Variants in TCEA1 observed in about 807,000 individuals in gnomAD.
The protein encoded by TCEA1 is transcription elongation factor A1, also known as transcription elongation factor A protein 1.
A neutral mutation model predicts 43.8 loss-of-function variants in TCEA1; 21 were observed. That is an observed-to-expected ratio of 0.48 (90% CI 0.34 to 0.69). TCEA1 has a LOEUF of 0.69. TCEA1 is among the 30% of genes least tolerant of loss of function. The pLI is 0.01. For synonymous variants in TCEA1, 104 were observed against 117.5 expected, an observed-to-expected ratio of 0.88 and a Z score of 0.75; for missense variants, 250 against 365.1, an observed-to-expected ratio of 0.68 and a Z score of 2.57.
intron 6 of TCEA1, 68 bp downstream of exon 6, chr8:53,986,901 C>T: frequency 7.9e-7 from 1 of 1,261,534 alleles, no homozygotes; most frequent in Non-Finnish European, 1.1e-6. Flanking sequence ...CCGTGCCTGG[C>T]ATTTGCATAT....
chr8:53,970,691 T>G (rs955187165), intron 8 of TCEA1, among the ~76,000 whole-genome samples: 4 of 152,148 alleles, frequency 2.6e-5, no homozygotes, highest in African/African-American at 4.8e-5. Context: ...ATATCCCAGA[T>G]AAGTGGGAAA....
chr8:54,020,953 T>G (rs1000542113), intron 1 of TCEA1, among the ~76,000 whole-genome samples: 5 of 152,088 alleles, frequency 3.3e-5, no homozygotes, highest in Admixed American at 3.3e-4. Flanking sequence ...TTTGGGAGGC[T>G]GAGGTGGGCG....
At chr8:54,019,345 A>G (rs1011157097) in intron 1 of TCEA1, among the ~76,000 whole-genome samples, 22 of 152,116 alleles carry the variant, frequency 1.4e-4, no homozygotes, top group African/African-American at 5.3e-4. Flanking sequence ...CAGGACGGGC[A>G]GATCACCTGA....
At chr8:53,975,945 A>G (rs975343407) in intron 8 of TCEA1, among the ~76,000 whole-genome samples, 1 of 152,188 alleles carries the variant, frequency 6.6e-6, no homozygotes, top group Non-Finnish European at 1.5e-5. Context: ...TCAGCAAGAA[A>G]AAAAGCTAAT....
intron 4 of TCEA1, among the ~76,000 whole-genome samples, chr8:53,991,814 T>G (rs1803893149): frequency 6.6e-6 from 1 of 151,484 alleles, no homozygotes; most frequent in Non-Finnish European, 1.5e-5. Flanking sequence ...ATAAACTTTA[T>G]TAACAACTGC....
At chr8:54,000,298 A>G (rs1804216589) in intron 2 of TCEA1, among the ~76,000 whole-genome samples, 1 of 152,252 alleles carries the variant, frequency 6.6e-6, no homozygotes, top group Non-Finnish European at 1.5e-5. Flanking sequence ...AGTCTGGTTA[A>G]CTAGAAAAAT....
intron 9 of TCEA1, 114 bp downstream of exon 9, chr8:53,970,278 T>C (rs201218291): frequency 2.9e-5 from 23 of 781,178 alleles, no homozygotes; most frequent in Non-Finnish European, 4.9e-5. Flanking sequence ...AAGAGTACTG[T>C]ATAGTGTGAG....
chr8:54,019,475 C>A (rs1315758951), intron 1 of TCEA1, among the ~76,000 whole-genome samples: 1 of 150,010 alleles, frequency 6.7e-6, no homozygotes, highest in East Asian at 2.0e-4. Context: ...GAGGCTGAGG[C>A]AAGAGAATCG....
At chr8:53,968,872 T>C (rs570262318) in intron 9 of TCEA1, among the ~76,000 whole-genome samples, 1 of 152,268 alleles carries the variant, frequency 6.6e-6, no homozygotes, top group Non-Finnish European at 1.5e-5. Flanking sequence ...AGAAGGTGAA[T>C]GTCCCTCTCC....
intron 1 of TCEA1, among the ~76,000 whole-genome samples, chr8:54,018,506 T>G (rs938573806): frequency 9.9e-5 from 15 of 152,228 alleles, no homozygotes; most frequent in Admixed American, 9.2e-4. Context: ...AGAAACATTT[T>G]AGTGATGACA....
intron 8 of TCEA1, among the ~76,000 whole-genome samples, chr8:53,975,687 T>G (rs1803310320): frequency 6.6e-6 from 1 of 152,184 alleles, no homozygotes; most frequent in African/African-American, 2.4e-5. Context: ...CTTGGTATAG[T>G]CAAATTCTGA....
rs144796124 is a variant in TCEA1, at chr8:53,994,742, G to A, written c.233-987C>T. Among the ~76,000 whole-genome samples, 680 of 151,822 alleles carry A rather than the reference G, an allele frequency of 4.5e-3. 6 individuals carry two copies. The highest frequency in any genetic ancestry group is 0.015 in the African/African-American group (609 of 41,372). On this transcript the variant is annotated intron_variant, in intron 3 of 9. Coordinates refer to ENST00000521604, the MANE Select transcript of TCEA1 (RefSeq NM_006756.4). ...AAAAATTAGCCGGGCGTGGTGATACGCGCCTGTAGTCCCAGCTACTCAGGA... is the reference window on the plus strand; with the variant it reads ...AAAAATTAGCCGGGCGTGGTGATACACGCCTGTAGTCCCAGCTACTCAGGA...
At chr8:53,984,648 C>T (rs1803632129) in intron 6 of TCEA1, 131 bp from the exon 7 acceptor site, 1 of 652,266 alleles carries the variant, frequency 1.5e-6, no homozygotes, top group East Asian at 3.5e-5. Context: ...CTTTGGGAGG[C>T]TGAGGCTGGT....
intron 2 of TCEA1, among the ~76,000 whole-genome samples, chr8:54,003,845 A>G (rs1804355016): frequency 6.6e-6 from 1 of 152,162 alleles, no homozygotes; most frequent in Non-Finnish European, 1.5e-5. Flanking sequence ...GAAAGCAAAA[A>G]GATAATTCAC....
chr8:53,996,638 A>T (rs1226324569), intron 3 of TCEA1, among the ~76,000 whole-genome samples: 1 of 152,172 alleles, frequency 6.6e-6, no homozygotes, highest in Non-Finnish European at 1.5e-5. Context: ...AACAACTGGC[A>T]AGTGATCAAC....
intron 7 of TCEA1, among the ~76,000 whole-genome samples, chr8:53,980,631 T>C (rs1223810637): frequency 6.6e-6 from 1 of 152,076 alleles, no homozygotes; most frequent in African/African-American, 2.4e-5. Context: ...ACAAATGCTG[T>C]GTGTGTTCCG....
intron 4 of TCEA1, 42 bp from the exon 5 acceptor site, chr8:53,988,301 T>C: frequency 6.3e-7 from 1 of 1,590,800 alleles, no homozygotes; most frequent in Non-Finnish European, 8.6e-7. Flanking sequence ...TCAAGAACAA[T>C]CCTTTCAAAG....
At chr8:54,004,219 G>GT (rs1804366895) in intron 2 of TCEA1, among the ~76,000 whole-genome samples, 1 of 152,154 alleles carries the variant, frequency 6.6e-6, no homozygotes, top group Non-Finnish European at 1.5e-5. Context: ...GGAGAAAAGA[G>GT]TCTGGCAGGT....
At chr8:53,972,672 C>G (rs1803194935) in intron 8 of TCEA1, 1 of 627,524 alleles carries the variant, frequency 1.6e-6, no homozygotes, top group East Asian at 3.4e-5. Flanking sequence ...ATCAGTAGAG[C>G]TATTAAGTGT....
Sources: allele counts gnomAD v4.1 joint callset (sites outside exome capture counted in the v4.1 genomes callset), GRCh38; gene constraint gnomAD v4.1.1; transcripts MANE v1.5; gene names NCBI Gene and HGNC (gene_info 2026-07-23, HGNC 2026-07-21).